The following SLC66A2 variants were observed in gnomAD, a reference collection of about 807,000 sequenced individuals.
The protein encoded by SLC66A2 is solute carrier family 66 member 2.
A neutral mutation model predicts 25.5 loss-of-function variants in SLC66A2; 23 were observed. The observed-to-expected ratio is 0.90, with a 90% confidence interval of 0.65 to 1.28. The LOEUF is 1.28. Among genes scored for constraint, SLC66A2 ranks in the 50% most tolerant of loss-of-function variants. The pLI, the probability that SLC66A2 is intolerant of heterozygous loss-of-function variation, is 0.00. For synonymous variants in SLC66A2, 193 were observed against 166.5 expected (o/e 1.16, Z -1.23); for missense variants, 396 against 373.1 (o/e 1.06, Z -0.51).
intron 3 of SLC66A2, among the ~76,000 whole-genome samples, chr18:79,939,521 G>A (rs34397434): frequency 0.023 from 3,435 of 152,086 alleles, 51 homozygotes; most frequent in African/African-American, 0.036. Flanking sequence ...CAACTATAAG[G>A]AACTTAAATT....
intron 4 of SLC66A2, among the ~76,000 whole-genome samples, chr18:79,923,190 G>C: frequency 6.9e-6 from 1 of 143,908 alleles, no homozygotes; most frequent in Admixed American, 6.9e-5. Context: ...TGAGCAGGAT[G>C]GGCTATGGAC....
chr18:79,904,112 G>C lies in SLC66A2; in HGVS notation c.680C>G (p.Pro227Arg). 1 of 1,613,010 alleles carries C rather than the reference G, an allele frequency of 6.2e-7. No homozygotes were observed. Among genetic ancestry groups the C allele is most frequent in the Non-Finnish European group, 8.5e-7 (1 of 1,179,808 alleles). The change falls in exon 6 of 6, where the codon CCT becomes CGT. Residue 227 changes from proline to arginine, a missense_variant. Pro to Arg is a moderately radical substitution (Grantham distance 103, BLOSUM62 -2). Transcript: ENST00000397778. This position sits in a 1 kb window ranked among gnomAD's most constrained non-coding sequence, Gnocchi z 6.3. ...CAGGCCGCACACGGAGAACTGCAGA[G>C]GGGCACCCTTCAGCAGGAAGTAGGC... ...KTAYFLLKGAPLQFSVCGLLQ... is the reference protein window; with the variant it reads ...KTAYFLLKGARLQFSVCGLLQ...
chr18:79,936,569 G>C (rs1442897386), intron 3 of SLC66A2, among the ~76,000 whole-genome samples: 1 of 152,234 alleles, frequency 6.6e-6, no homozygotes, highest in African/African-American at 2.4e-5. Context: ...TGAGTGTTGA[G>C]ATTTGGGACA....
Position 79,904,870 on chromosome 18 carries a change from C to T in SLC66A2, c.609-687G>A, listed in dbSNP as rs902474817. Among the ~76,000 whole-genome samples, 8 of 152,328 alleles carry T rather than the reference C, an allele frequency of 5.3e-5. No homozygotes were observed. The highest frequency in any genetic ancestry group is 4.1e-4 in the South Asian group (2 of 4,830). Reference sequence around the variant, plus strand: ...TTCCCGTGTGAAATGTTTAAATCAGCGGCCGCTGACCCTTCCACAGCTCCT... The same window carrying T: ...TTCCCGTGTGAAATGTTTAAATCAGTGGCCGCTGACCCTTCCACAGCTCCT... On this transcript the variant is annotated intron_variant, in intron 5 of 5. Coordinates refer to ENST00000397778, the MANE Select transcript of SLC66A2 (RefSeq NM_025078.5). This position sits in a 1 kb window ranked among gnomAD's most constrained non-coding sequence, Gnocchi z 6.3.
chr18:79,913,040 C>T (rs1018266627), intron 5 of SLC66A2, among the ~76,000 whole-genome samples: 32 of 152,218 alleles, frequency 2.1e-4, no homozygotes, highest in Admixed American at 9.2e-4. Context: ...AAGAGCTCGG[C>T]TTCTGGATCC....
intron 5 of SLC66A2, among the ~76,000 whole-genome samples, chr18:79,908,140 AT>A (rs1164364565): frequency 6.6e-6 from 1 of 152,096 alleles, no homozygotes; most frequent in African/African-American, 2.4e-5. Context: ...TATATATTAT[AT>A]TTACCCAGAT....
At position 79,941,959 on chromosome 18, in the gene SLC66A2, G is replaced by A. The variant is rs1015912412; in HGVS notation, c.337+1370C>T. ...GCACAAACCGTTCTCTCGGCCAGCCGGCCCTCCCACAGTGAGAACATTCTT... is the reference window on the plus strand; with the variant it reads ...GCACAAACCGTTCTCTCGGCCAGCCAGCCCTCCCACAGTGAGAACATTCTT... On this transcript the variant is annotated intron_variant, in intron 3 of 5. Coordinates refer to ENST00000397778, the MANE Select transcript of SLC66A2 (RefSeq NM_025078.5). The surrounding 1 kb of genome is among the most constrained non-coding windows in gnomAD (Gnocchi z 4.1). Among the ~76,000 whole-genome samples, 3 of 152,230 alleles carry A rather than the reference G, an allele frequency of 2.0e-5. No individual in the cohort carries two copies. Among genetic ancestry groups the A allele is most frequent in the Non-Finnish European group, 4.4e-5 (3 of 68,044 alleles).
Position 79,904,629 on chromosome 18 carries a change from G to A in SLC66A2, c.609-446C>T, listed in dbSNP as rs1981786774. On this transcript the variant is annotated intron_variant, in intron 5 of 5. Transcript: ENST00000397778. This position sits in a 1 kb window ranked among gnomAD's most constrained non-coding sequence, Gnocchi z 6.3. ...GGGCCGGGCCTGGGAGGGTGCTGAG[G>A]ACGCAGATCTGTGCCCCCAGGCACA... Among the ~76,000 whole-genome samples, 1 of 152,160 alleles carries A rather than the reference G, an allele frequency of 6.6e-6. No individual in the cohort carries two copies. The highest frequency in any genetic ancestry group is 2.1e-4 in the South Asian group (1 of 4,836).
intron 4 of SLC66A2, among the ~76,000 whole-genome samples, chr18:79,921,792 T>A (rs867308409): frequency 9.0e-4 from 13 of 14,366 alleles, no homozygotes; most frequent in African/African-American, 1.5e-3. Context: ...TCAAGGTCAG[T>A]GGAGGAGAGA....
Position 79,903,715 on chromosome 18 carries a change from T to C in SLC66A2, c.*261A>G. ...TCATAAGAGGAAATGGGGAAAACAC[T>C]TGCTTTTTATGTCATCCTAAAAACA... On this transcript the variant is annotated 3_prime_UTR_variant, in exon 6 of 6. Coordinates refer to ENST00000397778, the MANE Select transcript of SLC66A2 (RefSeq NM_025078.5). 2.0e-6 allele frequency: 1 copy of C among 507,304 alleles called. No individual in the cohort carries two copies. The highest frequency in any genetic ancestry group is 3.6e-5 in the East Asian group (1 of 28,116). 31.4% of individuals were successfully genotyped at this position (507,304 alleles called of 1,614,324 possible). A position where few individuals can be genotyped will look rare whatever the true frequency, so the allele number is the denominator to read the frequency against.
In SLC66A2 at chr18:79,919,315, G is replaced by GTA; in HGVS notation, c.475_476dup (p.Ile160ThrfsTer22). ...CGGAGTCAATGGACAGGTAGGTGATGTAGCCCGCCACGCCCGTGAAGGCCA... is the reference window on the plus strand; with the variant it reads ...CGGAGTCAATGGACAGGTAGGTGATGTATAGCCCGCCACGCCCGTGAAGGCCA... On this transcript the variant is annotated frameshift_variant, in exon 5 of 6. Coordinates refer to ENST00000397778, the MANE Select transcript of SLC66A2 (RefSeq NM_025078.5). LOFTEE classifies it high-confidence loss of function. 6.2e-7 allele frequency: 1 copy of GTA among 1,613,272 alleles called. No homozygotes were observed. The highest frequency in any genetic ancestry group is 8.5e-7 in the Non-Finnish European group (1 of 1,180,026).
chr18:79,940,239 G>C lies in SLC66A2; in HGVS notation c.337+3090C>G, dbSNP rs1328118749. ...CCACTAGAGCCTGTCGGGGGGTGGA[G>C]AGCAGGAGGAGGGAGAGGACCGGGA... On this transcript the variant is annotated intron_variant, in intron 3 of 5. Coordinates refer to ENST00000397778, the MANE Select transcript of SLC66A2 (RefSeq NM_025078.5). This position sits in a 1 kb window ranked among gnomAD's most constrained non-coding sequence, Gnocchi z 4.1. 6.6e-6 allele frequency among the ~76,000 whole-genome samples: 1 copy of C among 152,150 alleles called. No individual in the cohort carries two copies. The highest frequency in any genetic ancestry group is 1.5e-5 in the Non-Finnish European group (1 of 68,026).
chr18:79,926,089 T>C, intron 4 of SLC66A2, among the ~76,000 whole-genome samples: 1 of 152,220 alleles, frequency 6.6e-6, no homozygotes, highest in South Asian at 2.1e-4. Context: ...TTACAGATGC[T>C]GTGGCAACAT....
At chr18:79,938,972 G>A (rs563072526) in intron 3 of SLC66A2, among the ~76,000 whole-genome samples, 3 of 152,302 alleles carry the variant, frequency 2.0e-5, no homozygotes, top group Non-Finnish European at 2.9e-5. Context: ...CGCTGCGACC[G>A]GCCAGAAGCT....
chr18:79,930,037 TCA>T (rs1986402809), intron 4 of SLC66A2, among the ~76,000 whole-genome samples: 1 of 151,972 alleles, frequency 6.6e-6, no homozygotes, highest in Non-Finnish European at 1.5e-5. Context: ...AAAAAAAAAT[TCA>T]AGGAGATAAT....
Position 79,941,155 on chromosome 18 carries a change from C to T in SLC66A2, c.337+2174G>A, listed in dbSNP as rs2144933837. On this transcript the variant is annotated intron_variant, in intron 3 of 5. Transcript: ENST00000397778. This position sits in a 1 kb window ranked among gnomAD's most constrained non-coding sequence, Gnocchi z 4.1. ...GCCCAGTGGTCTCCTGAACTAAAAC[C>T]AAGGCTGTGTCTCCTACCCATTCAA... Among the ~76,000 whole-genome samples, 1 of 152,258 alleles carries T rather than the reference C, an allele frequency of 6.6e-6. No individual in the cohort carries two copies. The highest frequency in any genetic ancestry group is 2.1e-4 in the South Asian group (1 of 4,822).
At chr18:79,932,383 T>A (rs1190068928) in intron 4 of SLC66A2, among the ~76,000 whole-genome samples, 2 of 149,958 alleles carry the variant, frequency 1.3e-5, no homozygotes, top group Admixed American at 6.6e-5. Context: ...AATATTGGAG[T>A]GAAATAAAAC....
chr18:79,911,150 CGGG>C (rs1215557473), intron 5 of SLC66A2, among the ~76,000 whole-genome samples: 2 of 152,202 alleles, frequency 1.3e-5, no homozygotes, highest in East Asian at 3.9e-4. Context: ...AATCGGGGGT[CGGG>C]GCCACTCCTG....
In SLC66A2 at chr18:79,919,361, G is replaced by A. The variant is rs114615170; in HGVS notation, c.431C>T (p.Ser144Leu). Residue 144 changes from serine (S) to leucine (L), a missense_variant, in exon 5 of 6, where the codon TCG (serine) becomes TTG (leucine). Coordinates refer to ENST00000397778, the MANE Select transcript of SLC66A2 (RefSeq NM_025078.5). ...GGCCAGGACGCACTGCACGTAGTCC[G>A]AGAAGCTGCTCCACTGCCAGAAGTG... Reference protein sequence around the residue: ...PHHFWQWSSFSDYVQCVLAFT... With the variant: ...PHHFWQWSSFLDYVQCVLAFT... 7.3e-4 allele frequency: 1,171 copies of A among 1,613,238 alleles called. 1 individual carries two copies. The highest frequency in any genetic ancestry group is 7.3e-4 in the Non-Finnish European group (859 of 1,180,026).
Sources: allele counts gnomAD v4.1 joint callset (sites outside exome capture counted in the v4.1 genomes callset), GRCh38; gene constraint gnomAD v4.1.1; non-coding constraint Gnocchi (gnomAD v3.1); transcripts MANE v1.5; gene names NCBI Gene and HGNC (gene_info 2026-07-23, HGNC 2026-07-21).